Variants in DBET observed in about 807,000 individuals in gnomAD.
The protein encoded by DBET is D4Z4 binding element transcript (non-protein coding).
In DBET at chr4:190,065,336, G is replaced by A. The variant is rs560560721; in HGVS notation, n.835G>A. On this transcript the variant is annotated non_coding_transcript_exon_variant, in exon 1 of 1. Coordinates refer to ENST00000630918, the Ensembl canonical transcript of DBET. ...GCCGGCAGAGGGGATCTCCCAACCT[G>A]CCCCGGCGCGCGGGGATTTCGCCTA... The A allele has an allele frequency of 9.2e-4, 302 of 326,590 alleles. 34 individuals carry two copies. Among genetic ancestry groups the A allele is most frequent in the South Asian group, 2.4e-3 (86 of 35,528 alleles). The allele number at this position is 326,590 out of a possible 1,614,324, so 20.2% of individuals were successfully genotyped here. A position where few individuals can be genotyped will look rare whatever the true frequency, so the allele number is the denominator to read the frequency against.
exon 1 of DBET, chr4:190,067,662 A>ACCCCCCCCCCCCC (rs1740734755): frequency 2.5e-5 from 1 of 40,056 alleles, no homozygotes; most frequent in African/African-American, 3.4e-4. Flanking sequence ...CCCCCCCACC[A>ACCCCCCCCCCCCC]CCACCACCCC....
exon 1 of DBET, chr4:190,067,675 CGGCCGGCCCCA>C (rs1740736516): frequency 2.4e-5 from 1 of 41,924 alleles, no homozygotes; most frequent in Non-Finnish European, 5.7e-5. Context: ...ACCACCCCGC[CGGCCGGCCCCA>C]GGCCTCGACG....
At position 190,064,927 on chromosome 4, in the gene DBET, A is replaced by C. The variant is rs1230402401; in HGVS notation, n.426A>C. The C allele has an allele frequency of 3.8e-5, 9 of 238,284 alleles. 2 individuals are homozygous for C. Among genetic ancestry groups the C allele is most frequent in the African/African-American group, 6.1e-5 (2 of 32,722 alleles). The allele number at this position is 238,284 out of a possible 1,614,324, so 14.8% of individuals were successfully genotyped here. A position where few individuals can be genotyped will look rare whatever the true frequency, so the allele number is the denominator to read the frequency against. ...TGCTCCAGTGCAAACTGTTTTCAGA[A>C]AGCCTACTTCTATTTTCCTTGCTGT... On this transcript the variant is annotated non_coding_transcript_exon_variant, in exon 1 of 1. Coordinates refer to ENST00000630918, the Ensembl canonical transcript of DBET.
rs1308541532 is a variant in DBET at position 190,065,185 on chromosome 4, C to T, written n.684C>T. The T allele has an allele frequency of 2.4e-5, 13 of 548,444 alleles. 1 individual carries two copies. The highest frequency in any genetic ancestry group is 3.9e-5 in the Non-Finnish European group (12 of 305,704). The allele number at this position is 548,444 out of a possible 1,614,324, so 34.0% of individuals were successfully genotyped here. A position where few individuals can be genotyped will look rare whatever the true frequency, so the allele number is the denominator to read the frequency against. On this transcript the variant is annotated non_coding_transcript_exon_variant, in exon 1 of 1. Coordinates refer to ENST00000630918, the Ensembl canonical transcript of DBET. The stretch of plus-strand genomic sequence containing the variant: ...CATTATTTATAAATCTATTGTGCCT[C>T]AAGTCAGAAGTGTGTGAGGGGAGAT...
At position 190,065,060 on chromosome 4, in the gene DBET, C is replaced by T. The variant is rs191206801; in HGVS notation, n.559C>T. 71 of 439,950 alleles carry T rather than the reference C, an allele frequency of 1.6e-4. 14 individuals carry two copies. The Admixed American group carries it at 3.2e-3, about 20-fold the overall frequency. The allele number at this position is 439,950 out of a possible 1,614,324, so 27.3% of individuals were successfully genotyped here. A position where few individuals can be genotyped will look rare whatever the true frequency, so the allele number is the denominator to read the frequency against. On this transcript the variant is annotated non_coding_transcript_exon_variant, in exon 1 of 1. Coordinates refer to ENST00000630918, the Ensembl canonical transcript of DBET. ...TGCATTCGAACTCACAGGCAAAATC[C>T]TCCCAGAATCTTGTGAGAACATAAA...
rs1157091227 is a variant in DBET, at chr4:190,065,779, G to A, written n.1278G>A. 1.3e-3 allele frequency: 38 copies of A among 30,386 alleles called. No homozygotes were observed. The African/African-American group carries it at 0.019, about 15-fold the overall frequency. The allele number at this position is 30,386 out of a possible 1,614,324, so 1.9% of individuals were successfully genotyped here. A position where few individuals can be genotyped will look rare whatever the true frequency, so the allele number is the denominator to read the frequency against. On this transcript the variant is annotated non_coding_transcript_exon_variant, in exon 1 of 1. Coordinates refer to ENST00000630918, the Ensembl canonical transcript of DBET. ...GCCTGCTGCTGGATGAGCTCCTGGC[G>A]AGCCCGGAGTTTCTGCAGCAGGCGC...
rs1328673290 is a variant in DBET, at chr4:190,064,602, C to T, written n.101C>T. The T allele has an allele frequency of 7.2e-5, 10 of 138,922 alleles. No individual in the cohort carries two copies. The East Asian group carries it at 1.6e-3, about 22-fold the overall frequency. The allele number at this position is 138,922 out of a possible 1,614,324, so 8.6% of individuals were successfully genotyped here. A position where few individuals can be genotyped will look rare whatever the true frequency, so the allele number is the denominator to read the frequency against. On this transcript the variant is annotated non_coding_transcript_exon_variant, in exon 1 of 1. Coordinates refer to ENST00000630918, the Ensembl canonical transcript of DBET. ...GTCATCTATATGACTCCATCATGTC[C>T]TTCAGCACTCCACATCAGGAGAGAA...
At chr4:190,064,901 C>T in exon 1 of DBET, 1 of 206,652 alleles carries the variant, frequency 4.8e-6, no homozygotes, top group Non-Finnish European at 9.3e-6. Context: ...GTGGTCATCT[C>T]TGCTCCAGTG....
At chr4:190,064,703 A>T (rs1322228935) in exon 1 of DBET, 2 of 132,626 alleles carry the variant, frequency 1.5e-5, no homozygotes, top group Non-Finnish European at 3.2e-5. Context: ...TTCTCTCCTG[A>T]AGGAGATACT....
At chr4:190,065,099 T>G (rs1740582172) in exon 1 of DBET, 1 of 464,014 alleles carries the variant, frequency 2.2e-6, no homozygotes, top group South Asian at 2.6e-5. Flanking sequence ...TCTGACTAGT[T>G]TGGCATTGCT....
At position 190,064,584 on chromosome 4, in the gene DBET, A is replaced by G. The variant is rs1341558359; in HGVS notation, n.83A>G. On this transcript the variant is annotated non_coding_transcript_exon_variant, in exon 1 of 1. Coordinates refer to ENST00000630918, the Ensembl canonical transcript of DBET. ...TCTCAGCAGACACAAACTGTCATCT[A>G]TATGACTCCATCATGTCCTTCAGCA... 6.5e-5 allele frequency: 9 copies of G among 139,370 alleles called. 3 individuals carry two copies. Among genetic ancestry groups the G allele is most frequent in the Admixed American group, 2.8e-4 (4 of 14,322 alleles). 8.6% of individuals were successfully genotyped at this position (139,370 alleles called of 1,614,324 possible).
rs1227122046 is a variant in DBET, at chr4:190,064,665, C to T, written n.164C>T. On this transcript the variant is annotated non_coding_transcript_exon_variant, in exon 1 of 1. Coordinates refer to ENST00000630918, the Ensembl canonical transcript of DBET. ...TTAGACAATTTATCAAAAAGCCAAA[C>T]ATTTCAACACATATTCTACTGTTTT... The T allele has an allele frequency of 3.7e-5, 5 of 134,226 alleles. 1 individual carries two copies. The highest frequency in any genetic ancestry group is 9.6e-5 in the African/African-American group (3 of 31,326). 8.3% of individuals were successfully genotyped at this position (134,226 alleles called of 1,614,324 possible).
chr4:190,067,413 T>A, exon 1 of DBET: 1 of 48,694 alleles, frequency 2.1e-5, no homozygotes, highest in Admixed American at 2.2e-4. Context: ...CCTGGCACAC[T>A]CAAGACTCCC....
chr4:190,064,521 G>A (rs1369987944), exon 1 of DBET: 2 of 136,776 alleles, frequency 1.5e-5, no homozygotes, highest in African/African-American at 6.3e-5. Flanking sequence ...CTGTGGTATT[G>A]CAGTTTCACT....
exon 1 of DBET, chr4:190,064,939 A>T: frequency 3.9e-6 from 1 of 257,874 alleles, no homozygotes; most frequent in Admixed American, 6.1e-5. Flanking sequence ...GCCTACTTCT[A>T]TTTTCCTTGC....
exon 1 of DBET, chr4:190,064,974 T>A: frequency 3.0e-6 from 1 of 338,932 alleles, no homozygotes; most frequent in Non-Finnish European, 5.3e-6. Flanking sequence ...ATTTCCTGTC[T>A]TATGCTTATT....
At chr4:190,065,054 A>T in exon 1 of DBET, 1 of 439,002 alleles carries the variant, frequency 2.3e-6, no homozygotes, top group East Asian at 3.5e-5. Context: ...ACTCACAGGC[A>T]AAATCCTCCC....
Position 190,065,144 on chromosome 4 carries a change from G to C in DBET, n.643G>C, listed in dbSNP as rs1220904888. On this transcript the variant is annotated non_coding_transcript_exon_variant, in exon 1 of 1. Coordinates refer to ENST00000630918, the Ensembl canonical transcript of DBET. ...CTGGGAAAATCTGTGCACACTTCTG[G>C]AGACCCTTGTCATGCCATTATTTAT... is the stretch of plus-strand genomic sequence containing the variant. The C allele has an allele frequency of 1.7e-5, 8 of 483,202 alleles. 2 individuals are homozygous for C. Among genetic ancestry groups the C allele is most frequent in the East Asian group, 6.7e-5 (2 of 29,852 alleles). The allele number at this position is 483,202 out of a possible 1,614,324, so 29.9% of individuals were successfully genotyped here. A position where few individuals can be genotyped will look rare whatever the true frequency, so the allele number is the denominator to read the frequency against.
exon 1 of DBET, chr4:190,064,682 T>A (rs1579771425): frequency 7.5e-6 from 1 of 133,338 alleles, no homozygotes; most frequent in East Asian, 2.0e-4. Context: ...ACACATATTC[T>A]ACTGTTTTAA....
Sources: allele counts gnomAD v4.1 joint callset, GRCh38; gene constraint gnomAD v4.1.1; transcripts MANE v1.5; gene names NCBI Gene and HGNC (gene_info 2026-07-23, HGNC 2026-07-21).